The following MTHFD2 variants were observed in gnomAD, a reference collection of about 807,000 sequenced individuals.
MTHFD2 encodes the protein bifunctional methylenetetrahydrofolate dehydrogenase/cyclohydrolase, mitochondrial.
A neutral mutation model predicts 36.8 loss-of-function variants in MTHFD2; 26 were observed. The ratio of observed to expected loss-of-function variants is 0.71; its 90% confidence interval spans 0.52 to 0.98. The LOEUF is 0.98. Among genes scored for constraint, MTHFD2 ranks in the 50% least tolerant of loss-of-function variants. MTHFD2 has a pLI of 0.00. For synonymous variants in MTHFD2, 164 were observed against 155.2 expected, an observed-to-expected ratio of 1.06 and a Z score of -0.42; for missense variants, 373 against 434.0, an observed-to-expected ratio of 0.86 and a Z score of 1.25.
chr2:74,201,010 C>T (rs1181458453), intron 1 of MTHFD2, among the ~76,000 whole-genome samples: 3 of 152,100 alleles, frequency 2.0e-5, no homozygotes, highest in Admixed American at 6.6e-5. Flanking sequence ...TTTTTTGAGA[C>T]GGAGTCTTAC....
chr2:74,203,906 GTTAGTTTAGTTTAGTTTAGTT>G (rs1694113447), intron 1 of MTHFD2, among the ~76,000 whole-genome samples: 1 of 29,518 alleles, frequency 3.4e-5, no homozygotes, highest in Admixed American at 3.1e-4. Flanking sequence ...GTTTAGTTTA[GTTAGTTTAGTTTAGTTTAGTT>G]TTTTGAGATG....
rs1694304641 is a variant in MTHFD2 at position 74,211,583 on chromosome 2, A to G, written c.764-158A>G. The G allele has an allele frequency of 5.7e-6, 4 of 697,724 alleles. No homozygotes were observed. The East Asian group carries it at 9.6e-5, about 17-fold the overall frequency. 43.2% of individuals were successfully genotyped at this position (697,724 alleles called of 1,614,324 possible). A position where few individuals can be genotyped will look rare whatever the true frequency, so the allele number is the denominator to read the frequency against. Reference sequence around the variant, plus strand: ...TCCTGTCAGGAGCCAAAATAAAAAAATAATAAAAGTAAATAGTTCCTTAGT... The same window carrying G: ...TCCTGTCAGGAGCCAAAATAAAAAAGTAATAAAAGTAAATAGTTCCTTAGT... On this transcript the variant is annotated intron_variant, in intron 6 of 7. Coordinates refer to ENST00000394053, the MANE Select transcript of MTHFD2 (RefSeq NM_006636.4).
chr2:74,207,877 C>CCTCTCCCTCCCTCTCT (rs1558855155), intron 3 of MTHFD2, 51 bp downstream of exon 3: 12 of 1,511,276 alleles, frequency 7.9e-6, no homozygotes, highest in Non-Finnish European at 1.1e-5. Flanking sequence ...TGCTCCTTTC[C>CCTCTCCCTCCCTCTCT]CTCTCCCTCC....
At chr2:74,205,993 A>G (rs1572985924) in intron 2 of MTHFD2, 104 bp downstream of exon 2, 2 of 1,230,876 alleles carry the variant, frequency 1.6e-6, no homozygotes, top group Non-Finnish European at 2.3e-6. Flanking sequence ...AAACCCAAGC[A>G]GAGGAGGCTA....
In MTHFD2 at chr2:74,207,839, C is replaced by T. The variant is rs1415312460; in HGVS notation, c.409+13C>T. 1.3e-6 allele frequency: 2 copies of T among 1,582,012 alleles called. No homozygotes were observed. The highest frequency in any genetic ancestry group is 2.3e-5 in the East Asian group (1 of 44,168). On this transcript the variant is annotated intron_variant, in intron 3 of 7. Transcript: ENST00000394053. ...TTGCCTCTTCCAGGTGAGTTTTGGA[C>T]TCCATTTAACATGATTGCTGCTGCT...
chr2:74,205,346 A>G (rs1694152426), intron 1 of MTHFD2, among the ~76,000 whole-genome samples: 1 of 152,156 alleles, frequency 6.6e-6, no homozygotes, highest in Non-Finnish European at 1.5e-5. Context: ...CTTAGTAATG[A>G]TCAGGGCGCA....
chr2:74,211,572 A>C, intron 6 of MTHFD2, 169 bp from the exon 7 acceptor site: 1 of 627,020 alleles, frequency 1.6e-6, no homozygotes. Context: ...GTCAGGAGCC[A>C]AAATAAAAAA....
chr2:74,211,769 G>T lies in MTHFD2; in HGVS notation c.792G>T (p.Met264Ile). Residue 264 changes from methionine to isoleucine, a missense_variant, in exon 7 of 8, where the codon ATG (methionine) becomes ATT (isoleucine). Met to Ile is a conservative substitution (Grantham distance 10). This residue lies in a region of MTHFD2 where 308 missense variants were observed against 397.8 expected (regional missense o/e 0.77). Transcript: ENST00000394053. ...AGIPNLITAD[M>I]IKEGAAVIDV... ...TTCCAAATCTGATCACAGCAGATATGATCAAGGAAGGAGCAGCAGTCATTG... is the reference window on the plus strand; with the variant it reads ...TTCCAAATCTGATCACAGCAGATATTATCAAGGAAGGAGCAGCAGTCATTG... 6.2e-7 allele frequency: 1 copy of T among 1,611,528 alleles called. No homozygotes were observed. The highest frequency in any genetic ancestry group is 8.5e-7 in the Non-Finnish European group (1 of 1,179,364).
chr2:74,207,797 A>G lies in MTHFD2; in HGVS notation c.380A>G (p.Asp127Gly). The G allele has an allele frequency of 6.3e-7, 1 of 1,590,010 alleles. No homozygotes were observed. Among genetic ancestry groups the G allele is most frequent in the Non-Finnish European group, 8.6e-7 (1 of 1,161,916 alleles). ...AAACTGAATAATGATGATAATGTAG[A>G]TGGCCTCCTTGTTCAGTTGCCTCTT... Reference protein sequence around the residue: ...INKLNNDDNVDGLLVQLPLPE... With the variant: ...INKLNNDDNVGGLLVQLPLPE... The change falls in exon 3 of 8, where the codon GAT (aspartate) becomes GGT (glycine). Residue 127 changes from aspartate (D) to glycine (G), a missense_variant. Physicochemically the swap from Asp to Gly is moderately conservative, Grantham distance 94. Around this residue, in one of 2 missense-constraint regions of MTHFD2, gnomAD observed 308 missense variants for 397.8 expected, o/e 0.77. Transcript: ENST00000394053.
rs1171944961 is a variant in MTHFD2 at position 74,203,843 on chromosome 2, C to CTAGTTTAGTTTAGTTTAGTT, written c.102-1816_102-1797dup. Among the ~76,000 whole-genome samples, 384 of 80,596 alleles carry CTAGTTTAGTTTAGTTTAGTT rather than the reference C, an allele frequency of 4.8e-3. 8 individuals are homozygous for CTAGTTTAGTTTAGTTTAGTT. The highest frequency in any genetic ancestry group is 0.011 in the East Asian group (23 of 2,016). The allele number at this position is 80,596 out of a possible 152,430, so 52.9% of individuals were successfully genotyped here. The stretch of plus-strand genomic sequence containing the variant: ...TTTTACTTAAGGAAGAGATGCTCAT[C>CTAGTTTAGTTTAGTTTAGTT]TAGTTTAGTTTAGTTTAGTTTAGTT... On this transcript the variant is annotated intron_variant, in intron 1 of 7. Coordinates refer to ENST00000394053, the MANE Select transcript of MTHFD2 (RefSeq NM_006636.4).
rs1453127418 is a variant in MTHFD2, at chr2:74,214,095, TGG to T, written c.908_909del (p.Gly303ValfsTer32). The stretch of plus-strand genomic sequence containing the variant: ...TCTATGTAGGAGTCAGACAAAAAGC[TGG>T]GTATATCACTCCAGTTCCTGGAGGT... ...VDFEGVRQKAGYITPVPGGVG... is the reference protein window; with the variant it reads ...VDFEGVRQKAXYITPVPGGVG... On this transcript the variant is annotated frameshift_variant, in exon 8 of 8. Transcript: ENST00000394053. LOFTEE classifies it high-confidence loss of function. 6.2e-7 allele frequency: 1 copy of T among 1,613,776 alleles called. No individual in the cohort carries two copies. The highest frequency in any genetic ancestry group is 2.2e-5 in the East Asian group (1 of 44,866).
At position 74,216,359 on chromosome 2, in the gene MTHFD2, T is replaced by G. The variant is rs1694444469; in HGVS notation, c.*2117T>G. On this transcript the variant is annotated 3_prime_UTR_variant, in exon 8 of 8. Transcript: ENST00000394053. ...AAAGCTATGGAAATTAAAATGTTCA[T>G]GTATATACAAAATATAAATGACATG... 1 of 152,240 alleles carries G rather than the reference T, an allele frequency of 6.6e-6. No individual in the cohort carries two copies. The highest frequency in any genetic ancestry group is 2.1e-4 in the South Asian group (1 of 4,836). 9.4% of individuals were successfully genotyped at this position (152,240 alleles called of 1,614,324 possible). A position where few individuals can be genotyped will look rare whatever the true frequency, so the allele number is the denominator to read the frequency against.
chr2:74,209,159 C>T (rs1694249678), intron 4 of MTHFD2, among the ~76,000 whole-genome samples: 3 of 152,176 alleles, frequency 2.0e-5, no homozygotes, highest in East Asian at 1.9e-4. Flanking sequence ...CATGAGCCAT[C>T]GTGCCTGCCC....
intron 2 of MTHFD2, 47 bp downstream of exon 2, chr2:74,205,936 A>G (rs780295955): frequency 6.4e-7 from 1 of 1,566,930 alleles, no homozygotes; most frequent in South Asian, 1.1e-5. Context: ...TGAGGTTTAT[A>G]TGAGGCAAAG....
At chr2:74,213,270 CTTTTTTTTTTT>C (rs10638050) in intron 7 of MTHFD2, among the ~76,000 whole-genome samples, 5 of 76,014 alleles carry the variant, frequency 6.6e-5, no homozygotes, top group South Asian at 4.1e-4. Flanking sequence ...TTTTTCTTTC[CTTTTTTTTTTT>C]TTTTTTTTTT....
Position 74,208,713 on chromosome 2 carries a change from A to G in MTHFD2, c.554A>G (p.Lys185Arg), listed in dbSNP as rs747321977. 1.2e-6 allele frequency: 2 copies of G among 1,613,996 alleles called. No homozygotes were observed. Among genetic ancestry groups the G allele is most frequent in the South Asian group, 2.2e-5 (2 of 91,040 alleles). ...CCATGGGGTGTGTGGGAAATAATCA[A>G]GCGAACTGGTAGGTATATCCCAGAA... ...ATPWGVWEII[K>R]RTGIPTLGKN... Residue 185 changes from lysine to arginine, a missense_variant, in exon 4 of 8, where the codon AAG becomes AGG. Transcript: ENST00000394053.
chr2:74,208,541 A>G (rs1694234776), intron 3 of MTHFD2, 28 bp from the exon 4 acceptor site: 1 of 1,610,158 alleles, frequency 6.2e-7, no homozygotes. Flanking sequence ...GTGGTGATTT[A>G]AGGCAACTGT....
chr2:74,213,169 G>A (rs2103837482), intron 7 of MTHFD2, among the ~76,000 whole-genome samples: 1 of 151,418 alleles, frequency 6.6e-6, no homozygotes, highest in Non-Finnish European at 1.5e-5. Context: ...CTTTAACAGT[G>A]CTAGGATTAC....
In MTHFD2 at chr2:74,216,469, C is replaced by A. The variant is rs961591464; in HGVS notation, c.*2227C>A. 9.2e-5 allele frequency: 14 copies of A among 152,216 alleles called. No individual in the cohort carries two copies. Among genetic ancestry groups the A allele is most frequent in the African/African-American group, 2.9e-4 (12 of 41,458 alleles). The allele number at this position is 152,216 out of a possible 1,614,324, so 9.4% of individuals were successfully genotyped here. On this transcript the variant is annotated 3_prime_UTR_variant, in exon 8 of 8. Transcript: ENST00000394053. ...GTTTGATTAATCAAGCAGGTTTACT[C>A]TTGAATCCATAGCATTTCTACAATT...
Sources: allele counts gnomAD v4.1 joint callset (sites outside exome capture counted in the v4.1 genomes callset), GRCh38; gene constraint gnomAD v4.1.1; regional missense constraint gnomAD v4.1.1; transcripts MANE v1.5; gene names NCBI Gene and HGNC (gene_info 2026-07-23, HGNC 2026-07-21).